Variants in LHFPL2 observed in about 807,000 individuals in gnomAD.
LHFPL2 encodes LHFPL tetraspan subfamily member 2, also known as LHFPL tetraspan subfamily member 2 protein.
Under a neutral mutation model 17.5 loss-of-function variants are expected in LHFPL2, and 7 were observed. That is an observed-to-expected ratio of 0.40 (90% CI 0.23 to 0.75). The LOEUF (loss-of-function observed/expected upper bound fraction) is 0.75, where lower values mean the gene tolerates loss of function less well. Among genes scored for constraint, LHFPL2 ranks in the 30% least tolerant of loss-of-function variants. The pLI, the probability that LHFPL2 is intolerant of heterozygous loss-of-function variation, is 0.37. For missense variants in LHFPL2, 241 were observed against 294.8 expected, an observed-to-expected ratio of 0.82 and a Z score of 1.34; for synonymous variants, 134 against 116.2, an observed-to-expected ratio of 1.15 and a Z score of -0.99.
At chr5:78,611,938 A>C (rs1462169112) in intron 2 of LHFPL2, among the ~76,000 whole-genome samples, 1 of 152,206 alleles carries the variant, frequency 6.6e-6, no homozygotes, top group Non-Finnish European at 1.5e-5. Flanking sequence ...ACATGGTAGG[A>C]GCTTCATGAG....
At chr5:78,599,943 GACT>G (rs1001451826) in intron 2 of LHFPL2, among the ~76,000 whole-genome samples, 2 of 151,988 alleles carry the variant, frequency 1.3e-5, no homozygotes, top group African/African-American at 4.8e-5. Context: ...TCAAATCTCT[GACT>G]ACAAGAAAAT....
intron 3 of LHFPL2, among the ~76,000 whole-genome samples, chr5:78,558,204 G>T (rs1294646554): frequency 6.6e-6 from 1 of 152,132 alleles, no homozygotes; most frequent in African/African-American, 2.4e-5. Flanking sequence ...AATATATACA[G>T]CTATTATTTA....
At chr5:78,566,093 T>C (rs1756852895) in intron 2 of LHFPL2, among the ~76,000 whole-genome samples, 2 of 151,588 alleles carry the variant, frequency 1.3e-5, no homozygotes, top group South Asian at 4.1e-4. Flanking sequence ...ATAAGGTAAA[T>C]TAAACAGAAA....
intron 2 of LHFPL2, among the ~76,000 whole-genome samples, chr5:78,572,267 G>A (rs893487335): frequency 2.6e-5 from 4 of 152,036 alleles, no homozygotes; most frequent in African/African-American, 9.7e-5. Context: ...AGCATGTGAA[G>A]TAATTAAGGA....
intron 1 of LHFPL2, among the ~76,000 whole-genome samples, chr5:78,638,671 G>C (rs1051933930): frequency 1.3e-5 from 2 of 152,202 alleles, no homozygotes; most frequent in Non-Finnish European, 2.9e-5. Context: ...GTTACTAAGA[G>C]GACTGGAGGA....
Position 78,497,550 on chromosome 5 carries a change from G to A in LHFPL2, c.431-8397C>T, listed in dbSNP as rs548009643. ...TTGTGTCCCAACTGCCTAGAACAAG[G>A]TCTGACATGTAACAGGTGCTTAGTA... On this transcript the variant is annotated intron_variant, in intron 4 of 4. Coordinates refer to ENST00000380345, the MANE Select transcript of LHFPL2 (RefSeq NM_005779.3). Among the ~76,000 whole-genome samples the A allele has an allele frequency of 6.6e-5, 10 of 152,350 alleles. No homozygotes were observed. The South Asian group carries it at 2.1e-3, about 32-fold the overall frequency.
chr5:78,564,509 T>C (rs1210776044), intron 3 of LHFPL2, among the ~76,000 whole-genome samples: 4 of 152,114 alleles, frequency 2.6e-5, no homozygotes, highest in Non-Finnish European at 4.4e-5. Context: ...AAAGACAAAT[T>C]CAGCTATGCC....
At chr5:78,634,119 C>CG (rs1561375009) in intron 1 of LHFPL2, among the ~76,000 whole-genome samples, 1 of 152,124 alleles carries the variant, frequency 6.6e-6, no homozygotes. Flanking sequence ...ACCCCTCCCC[C>CG]CAAAAAAAGC....
At chr5:78,620,334 C>T (rs1744803975) in intron 2 of LHFPL2, among the ~76,000 whole-genome samples, 1 of 152,100 alleles carries the variant, frequency 6.6e-6, no homozygotes, top group African/African-American at 2.4e-5. Context: ...ATGTCCTTCG[C>T]CCATTTTTTG....
chr5:78,531,919 C>G (rs1755795477), intron 3 of LHFPL2, among the ~76,000 whole-genome samples: 1 of 150,464 alleles, frequency 6.6e-6, no homozygotes, highest in South Asian at 2.1e-4. Flanking sequence ...CACCACCATG[C>G]CCGGCTAATT....
chr5:78,523,672 G>A (rs1245272864), intron 3 of LHFPL2, among the ~76,000 whole-genome samples: 1 of 152,184 alleles, frequency 6.6e-6, no homozygotes, highest in Non-Finnish European at 1.5e-5. Context: ...GTCACAGCCT[G>A]AGAAACAAAC....
chr5:78,529,745 T>G (rs1444450720), intron 3 of LHFPL2, among the ~76,000 whole-genome samples: 1 of 152,232 alleles, frequency 6.6e-6, no homozygotes, highest in African/African-American at 2.4e-5. Context: ...TTTGCAATAT[T>G]AGAGAGTCTC....
At chr5:78,501,416 G>A (rs1003830177) in intron 4 of LHFPL2, among the ~76,000 whole-genome samples, 1 of 152,204 alleles carries the variant, frequency 6.6e-6, no homozygotes, top group Non-Finnish European at 1.5e-5. Flanking sequence ...ACTTCTGGCT[G>A]AGGGCCCTTC....
At chr5:78,539,569 G>C (rs1756046640) in intron 3 of LHFPL2, among the ~76,000 whole-genome samples, 1 of 152,184 alleles carries the variant, frequency 6.6e-6, no homozygotes, top group Non-Finnish European at 1.5e-5. Context: ...ACAGGTGTTT[G>C]TTAACTGACT....
chr5:78,519,000 C>T lies in LHFPL2; in HGVS notation c.-185-8602G>A, dbSNP rs79162485. On this transcript the variant is annotated intron_variant, in intron 3 of 4. Transcript: ENST00000380345. The stretch of plus-strand genomic sequence containing the variant: ...AGATGCTTCCCAACTCCCTGTTCCC[C>T]AGGTGCTCACCTGTATGGGCTGCTA... 3.7e-4 allele frequency among the ~76,000 whole-genome samples: 57 copies of T among 152,204 alleles called. No homozygotes were observed. The East Asian group carries it at 0.011, about 28-fold the overall frequency.
At chr5:78,644,300 CTTCT>C (rs916001980) in intron 1 of LHFPL2, 14 of 1,141,306 alleles carry the variant, frequency 1.2e-5, no homozygotes, top group East Asian at 2.6e-5. Flanking sequence ...CCTCCTCTTC[CTTCT>C]TTTTCTTGCT....
chr5:78,546,148 G>A (rs373620407), intron 3 of LHFPL2, among the ~76,000 whole-genome samples: 5 of 152,166 alleles, frequency 3.3e-5, no homozygotes, highest in Admixed American at 6.5e-5. Context: ...ACATGTCTGC[G>A]TAGTTTTTGC....
chr5:78,530,726 C>T (rs1219726480), intron 3 of LHFPL2, among the ~76,000 whole-genome samples: 1 of 152,220 alleles, frequency 6.6e-6, no homozygotes, highest in Non-Finnish European at 1.5e-5. Context: ...TGGTCACCAA[C>T]AACACCTGTA....
Position 78,643,514 on chromosome 5 carries a change from A to G in LHFPL2, c.-350+4985T>C, listed in dbSNP as rs138219355. On this transcript the variant is annotated intron_variant, in intron 1 of 4. Coordinates refer to ENST00000380345, the MANE Select transcript of LHFPL2 (RefSeq NM_005779.3). ...CAGGAAAAATTGCTGTTTTTTTTTA[A>G]TAAAAAAGATTGTATTTACTTAGAA... Among the ~76,000 whole-genome samples, 802 of 152,286 alleles carry G rather than the reference A, an allele frequency of 5.3e-3. 4 individuals carry two copies. Among genetic ancestry groups the G allele is most frequent in the Non-Finnish European group, 8.7e-3 (595 of 68,022 alleles).
Sources: allele counts gnomAD v4.1 joint callset (sites outside exome capture counted in the v4.1 genomes callset), GRCh38; gene constraint gnomAD v4.1.1; transcripts MANE v1.5; gene names NCBI Gene and HGNC (gene_info 2026-07-23, HGNC 2026-07-21).